The following UVRAG variants were observed in gnomAD, a reference collection of about 807,000 sequenced individuals.
UVRAG encodes the protein UV radiation resistance associated.
In UVRAG, 19 loss-of-function variants were observed where a neutral mutation model predicts 78.0. The ratio of observed to expected loss-of-function variants is 0.24; its 90% confidence interval spans 0.17 to 0.36. The LOEUF (loss-of-function observed/expected upper bound fraction) is 0.36, where lower values mean the gene tolerates loss of function less well. UVRAG is among the 10% of genes least tolerant of loss of function. UVRAG has a pLI of 1.00. For synonymous variants in UVRAG, 323 were observed against 324.6 expected (o/e 1.00, Z 0.05); for missense variants, 740 against 853.8 (o/e 0.87, Z 1.66).
At chr11:75,877,456 G>A (rs574708403) in intron 3 of UVRAG, among the ~76,000 whole-genome samples, 122 of 150,900 alleles carry the variant, frequency 8.1e-4, no homozygotes, top group Non-Finnish European at 1.4e-3. Flanking sequence ...CCTCCCGGAC[G>A]GGGGGTGACC....
chr11:75,873,734 C>T (rs1278095370), intron 3 of UVRAG, among the ~76,000 whole-genome samples: 1 of 152,140 alleles, frequency 6.6e-6, no homozygotes, highest in Non-Finnish European at 1.5e-5. Flanking sequence ...CTTGTTTGTC[C>T]TGTAGTTCAT....
intron 6 of UVRAG, among the ~76,000 whole-genome samples, chr11:75,924,376 G>GTGTTTTTTTTTGTTTT (rs1217433225): frequency 1.3e-5 from 2 of 151,580 alleles, no homozygotes; most frequent in Non-Finnish European, 2.9e-5. Context: ...TGAAAGCATT[G>GTGTTTTTTTTTGTTTT]TGTTTTTTTT....
chr11:76,029,201 C>A (rs773524365), intron 12 of UVRAG, among the ~76,000 whole-genome samples: 14 of 152,094 alleles, frequency 9.2e-5, no homozygotes, highest in Non-Finnish European at 1.5e-4. Flanking sequence ...CCTGTTGAGA[C>A]CTACGGCTCA....
chr11:75,919,219 G>C (rs1485592355), intron 6 of UVRAG, among the ~76,000 whole-genome samples: 2 of 151,654 alleles, frequency 1.3e-5, no homozygotes, highest in Non-Finnish European at 2.9e-5. Flanking sequence ...TAGGCTGCAG[G>C]AAGAGATTTT....
chr11:75,878,863 G>A (rs1946873402), intron 3 of UVRAG, among the ~76,000 whole-genome samples: 1 of 146,506 alleles, frequency 6.8e-6, no homozygotes, highest in South Asian at 2.3e-4. Context: ...AAGAGAGAGA[G>A]AGAGAGACCG....
intron 12 of UVRAG, among the ~76,000 whole-genome samples, chr11:76,023,748 A>C (rs189853411): frequency 5.3e-4 from 81 of 152,142 alleles, no homozygotes; most frequent in African/African-American, 1.8e-3. Context: ...CCTGGTTTTG[A>C]GTTTCTTTTT....
At chr11:76,116,105 C>G (rs1167665593) in intron 14 of UVRAG, 90 bp downstream of exon 14, 8 of 1,243,246 alleles carry the variant, frequency 6.4e-6, no homozygotes, top group Non-Finnish European at 9.2e-6. Context: ...CCACACCTGC[C>G]TCTGAGTTTT....
At chr11:76,128,397 C>A (rs1952451825) in intron 14 of UVRAG, among the ~76,000 whole-genome samples, 1 of 152,194 alleles carries the variant, frequency 6.6e-6, no homozygotes, top group African/African-American at 2.4e-5. Flanking sequence ...TGAAACCGGT[C>A]CCTGCTGCCA....
chr11:75,939,863 A>G (rs1008943278), intron 6 of UVRAG, among the ~76,000 whole-genome samples: 2 of 152,194 alleles, frequency 1.3e-5, no homozygotes, highest in Admixed American at 6.5e-5. Flanking sequence ...ATTTATGTCC[A>G]GTTAAAACTG....
intron 11 of UVRAG, chr11:76,013,230 G>C (rs1950087659): frequency 6.6e-6 from 1 of 152,100 alleles, no homozygotes. Flanking sequence ...TGTGGAATTT[G>C]TTGTCATAAA....
rs149468951 is a variant in UVRAG, at chr11:76,084,603, T to C, written c.1305+18815T>C. 9.4e-3 allele frequency among the ~76,000 whole-genome samples: 1,432 copies of C among 152,304 alleles called. 25 individuals are homozygous for C. The highest frequency in any genetic ancestry group is 0.033 in the African/African-American group (1,351 of 41,558). On this transcript the variant is annotated intron_variant, in intron 13 of 14. Transcript: ENST00000356136. Reference sequence around the variant, plus strand: ...TTTATCTTTATAAGTTATCTTATTTTTCTCATTTTAGTCTGAAACTCAGAA... The same window carrying C: ...TTTATCTTTATAAGTTATCTTATTTCTCTCATTTTAGTCTGAAACTCAGAA...
intron 12 of UVRAG, among the ~76,000 whole-genome samples, chr11:76,038,424 A>G (rs112281239): frequency 1.1e-4 from 16 of 152,322 alleles, no homozygotes; most frequent in African/African-American, 3.8e-4. Context: ...TTTACATAGC[A>G]TTTGCATTGT....
chr11:76,046,615 A>C (rs1950762263), intron 12 of UVRAG, among the ~76,000 whole-genome samples: 1 of 152,224 alleles, frequency 6.6e-6, no homozygotes, highest in Non-Finnish European at 1.5e-5. Context: ...ACCAAAAATT[A>C]TGATGTTGAC....
chr11:76,091,969 T>G (rs1333101885), intron 13 of UVRAG, among the ~76,000 whole-genome samples: 1 of 152,142 alleles, frequency 6.6e-6, no homozygotes, highest in Non-Finnish European at 1.5e-5. Context: ...TATCTCCTAA[T>G]GCTTTCCCTC....
chr11:76,122,666 T>C (rs1952306683), intron 14 of UVRAG, among the ~76,000 whole-genome samples: 2 of 152,218 alleles, frequency 1.3e-5, no homozygotes, highest in African/African-American at 4.8e-5. Flanking sequence ...GTATAGAATA[T>C]GGCTCTTGTT....
chr11:75,828,805 A>ATATTTTTT (rs1478310271), intron 1 of UVRAG, among the ~76,000 whole-genome samples: 3 of 100,274 alleles, frequency 3.0e-5, no homozygotes, highest in African/African-American at 7.9e-5. Flanking sequence ...ATATATATAT[A>ATATTTTTT]TTTTTTTTTT....
At position 75,820,413 on chromosome 11, in the gene UVRAG, G is replaced by A. The variant is rs537178245; in HGVS notation, c.117+4889G>A. 9.3e-5 allele frequency among the ~76,000 whole-genome samples: 14 copies of A among 149,746 alleles called. No individual in the cohort carries two copies. In the South Asian group the frequency reaches 2.9e-3, roughly 31 times the overall value. Reference sequence around the variant, plus strand: ...TCTGTCACCCAAGCTGGAGTGGAGTGGTGCGATCTCCGCTCACCGCAACCT... The same window carrying A: ...TCTGTCACCCAAGCTGGAGTGGAGTAGTGCGATCTCCGCTCACCGCAACCT... On this transcript the variant is annotated intron_variant, in intron 1 of 14. Transcript: ENST00000356136.
At chr11:76,113,103 C>G (rs1208979105) in intron 13 of UVRAG, among the ~76,000 whole-genome samples, 3 of 152,044 alleles carry the variant, frequency 2.0e-5, no homozygotes, top group Admixed American at 1.3e-4. Context: ...TTATCACTTC[C>G]AGTGAAACAA....
intron 14 of UVRAG, among the ~76,000 whole-genome samples, chr11:76,137,981 A>C (rs1190201528): frequency 2.0e-5 from 3 of 152,220 alleles, no homozygotes; most frequent in African/African-American, 7.2e-5. Context: ...TTCCAGTTTG[A>C]ATCTGATACT....
Sources: gnomAD v4.1 joint callset for allele counts (sites outside exome capture counted in the v4.1 genomes callset) on GRCh38, gnomAD v4.1.1 for gene constraint, MANE v1.5 for transcripts, NCBI Gene and HGNC (gene_info 2026-07-23, HGNC 2026-07-21) for gene names.